The following NOL7 variants were observed in gnomAD, a reference collection of about 807,000 sequenced individuals.
NOL7 encodes nucleolar protein 7, also known as U3 small nucleolar RNA-associated protein NOL7.
NOL7 carries 36 observed loss-of-function variants against 38.4 expected under a neutral mutation model. The ratio of observed to expected loss-of-function variants is 0.94; its 90% confidence interval spans 0.72 to 1.24. The LOEUF is 1.24. Among genes scored for constraint, NOL7 ranks in the 50% most tolerant of loss-of-function variants. The pLI is 0.00. For synonymous variants in NOL7, 142 were observed against 126.5 expected, an observed-to-expected ratio of 1.12 and a Z score of -0.82; for missense variants, 350 against 315.1, an observed-to-expected ratio of 1.11 and a Z score of -0.84.
rs1467834732 is a variant in NOL7, at chr6:13,621,632, G to C, written c.*805G>C. ...GACACGGTAAATTGACTAAATATTT[G>C]GTTTTTATATAAATAAAGGTCATAA... On this transcript the variant is annotated 3_prime_UTR_variant, in exon 8 of 8. Transcript: ENST00000451315. The C allele has an allele frequency of 1.3e-5, 2 of 152,458 alleles. No individual in the cohort carries two copies. The highest frequency in any genetic ancestry group is 4.8e-5 in the African/African-American group (2 of 41,394). The allele number at this position is 152,458 out of a possible 1,614,324, so 9.4% of individuals were successfully genotyped here. A position where few individuals can be genotyped will look rare whatever the true frequency, so the allele number is the denominator to read the frequency against.
At chr6:13,616,565 TCTTTG>T (rs769557660) in intron 3 of NOL7, 44 bp downstream of exon 3, 2 of 1,298,672 alleles carry the variant, frequency 1.5e-6, no homozygotes, top group Admixed American at 2.0e-5. Context: ...TATACACCCA[TCTTTG>T]AATTATATAC....
intron 8 of NOL7, among the ~76,000 whole-genome samples, chr6:13,628,862 C>T (rs1477917754): frequency 6.6e-6 from 1 of 152,194 alleles, no homozygotes; most frequent in African/African-American, 2.4e-5. Flanking sequence ...TACATTCCTT[C>T]ATTACTGCTG....
At chr6:13,621,943 A>G (rs556172955), downstream of NOL7, 2 of 153,960 alleles carry the variant, frequency 1.3e-5, no homozygotes, top group South Asian at 4.1e-4. Context: ...TTGAATGCTT[A>G]TATGGGAGTG....
At chr6:13,616,544 T>C in intron 3 of NOL7, 23 bp downstream of exon 3, 1 of 1,523,674 alleles carries the variant, frequency 6.6e-7, no homozygotes, top group Non-Finnish European at 9.1e-7. Context: ...TCTTTTTATA[T>C]TACTTGCTTA....
In NOL7 at chr6:13,620,710, T is replaced by A. The variant is rs760380923; in HGVS notation, c.701-44T>A. The stretch of plus-strand genomic sequence containing the variant: ...TAGAGTAATTAAAAAAATTTTGAAT[T>A]ATGTTTTTCTAATATACTTACTGCA... On this transcript the variant is annotated intron_variant, in intron 7 of 7. Transcript: ENST00000451315. The A allele has an allele frequency of 4.5e-6, 6 of 1,341,740 alleles. 1 individual carries two copies. Among genetic ancestry groups the A allele is most frequent in the Middle Eastern group, 4.1e-4 (2 of 4,884 alleles). 83.1% of individuals were successfully genotyped at this position (1,341,740 alleles called of 1,614,324 possible). A position where few individuals can be genotyped will look rare whatever the true frequency, so the allele number is the denominator to read the frequency against.
chr6:13,620,100 G>C, intron 5 of NOL7, 108 bp from the exon 6 acceptor site: 1 of 1,251,626 alleles, frequency 8.0e-7, no homozygotes, highest in East Asian at 2.5e-5. Flanking sequence ...GTTGCAGTGA[G>C]CTGAGATCGC....
At chr6:13,617,203 C>G (rs1047074172) in intron 3 of NOL7, among the ~76,000 whole-genome samples, 4 of 152,046 alleles carry the variant, frequency 2.6e-5, no homozygotes, top group African/African-American at 9.7e-5. Flanking sequence ...TCCCTTTCAT[C>G]TTTTAAAACC....
Position 13,615,348 on chromosome 6 carries a change from C to T in NOL7, c.-11C>T, listed in dbSNP as rs1324673257. ...GGGTCAGAGGTCAGACGGTCTAGCG[C>T]TGCGTGGGCCATGGTGCAGCTCCGA... On this transcript the variant is annotated 5_prime_UTR_variant, in exon 1 of 8. Transcript: ENST00000451315. 1 of 1,476,366 alleles carries T rather than the reference C, an allele frequency of 6.8e-7. No individual in the cohort carries two copies. The highest frequency in any genetic ancestry group is 8.9e-7 in the Non-Finnish European group (1 of 1,119,352). 91.5% of individuals were successfully genotyped at this position (1,476,366 alleles called of 1,614,324 possible).
At chr6:13,616,618 G>A in intron 3 of NOL7, 97 bp downstream of exon 3, 2 of 809,304 alleles carry the variant, frequency 2.5e-6, no homozygotes, top group Admixed American at 2.9e-5. Flanking sequence ...TGAAGGAATT[G>A]TAGAACCCAA....
At chr6:13,618,024 A>G (rs751217139) in intron 4 of NOL7, 34 bp from the exon 5 acceptor site, 1 of 1,224,834 alleles carries the variant, frequency 8.2e-7, no homozygotes, top group Non-Finnish European at 1.2e-6. Context: ...TTTTTACGTG[A>G]ATGCTAATTA....
intron 8 of NOL7, among the ~76,000 whole-genome samples, chr6:13,627,648 A>T (rs1228656927): frequency 6.6e-6 from 1 of 151,804 alleles, no homozygotes; most frequent in Non-Finnish European, 1.5e-5. Context: ...AAAAAAAAAA[A>T]AAAAAATCAC....
chr6:13,626,483 A>T (rs1764608374), downstream of NOL7, among the ~76,000 whole-genome samples: 1 of 152,232 alleles, frequency 6.6e-6, no homozygotes, highest in South Asian at 2.1e-4. Flanking sequence ...TTACTGCATA[A>T]TGGGGACTAT....
At chr6:13,623,199 A>G (rs913735827), downstream of NOL7, among the ~76,000 whole-genome samples, 14 of 152,356 alleles carry the variant, frequency 9.2e-5, no homozygotes, top group Admixed American at 6.5e-4. Flanking sequence ...ATGGAAAAAA[A>G]TGAACTAATG....
At chr6:13,627,113 ATAC>A (rs964307511) in intron 8 of NOL7, among the ~76,000 whole-genome samples, 3 of 152,128 alleles carry the variant, frequency 2.0e-5, no homozygotes, top group Admixed American at 2.0e-4. Flanking sequence ...ATTATTTACT[ATAC>A]TATTTTGAAT....
At chr6:13,622,153 A>AGT (rs1764467804), downstream of NOL7, 2 of 381,210 alleles carry the variant, frequency 5.2e-6, no homozygotes, top group African/African-American at 4.2e-5. Context: ...CTCTTAGACA[A>AGT]CTAAGAGGTT....
In NOL7 at chr6:13,620,059, C is replaced by T. The variant is rs145728880; in HGVS notation, c.501-149C>T. The stretch of plus-strand genomic sequence containing the variant: ...AATCCCACTATTCAGGAGGCTGAGG[C>T]AGGCAAGTTGCTTGAACCTGGGAGG... On this transcript the variant is annotated intron_variant, in intron 5 of 7. Coordinates refer to ENST00000451315, the MANE Select transcript of NOL7 (RefSeq NM_016167.5). 1.1e-3 allele frequency: 823 copies of T among 763,394 alleles called. 4 individuals are homozygous for T. In the African/African-American group the frequency reaches 0.013, roughly 12 times the overall value. 47.3% of individuals were successfully genotyped at this position (763,394 alleles called of 1,614,324 possible).
downstream of NOL7, chr6:13,621,746 A>C (rs887380728): frequency 3.3e-5 from 5 of 152,688 alleles, no homozygotes; most frequent in African/African-American, 1.2e-4. Flanking sequence ...ACAGGAAACA[A>C]AGTTGAAAAA....
downstream of NOL7, among the ~76,000 whole-genome samples, chr6:13,626,494 A>G (rs1034722349): frequency 3.3e-5 from 5 of 152,206 alleles, no homozygotes; most frequent in African/African-American, 9.6e-5. Flanking sequence ...TGGGGACTAT[A>G]AGAGGCCCTA....
At chr6:13,622,558 A>G (rs2127756638), downstream of NOL7, 1 of 1,459,822 alleles carries the variant, frequency 6.9e-7, no homozygotes, top group South Asian at 1.4e-5. Context: ...CATTTCAATC[A>G]GGAGAATACT....
Sources: gnomAD v4.1 joint callset for allele counts (sites outside exome capture counted in the v4.1 genomes callset) on GRCh38, gnomAD v4.1.1 for gene constraint, MANE v1.5 for transcripts, NCBI Gene and HGNC (gene_info 2026-07-23, HGNC 2026-07-21) for gene names.